Variants in BST1 observed in about 807,000 individuals in gnomAD.
BST1 encodes the protein ADP-ribosyl cyclase/cyclic ADP-ribose hydrolase 2.
In BST1, 49 loss-of-function variants were observed where a neutral mutation model predicts 40.6. The ratio of observed to expected loss-of-function variants is 1.21; its 90% CI spans 0.96 to 1.53. The LOEUF (loss-of-function observed/expected upper bound fraction) is 1.53, where lower values mean the gene tolerates loss of function less well. BST1 is among the 40% of genes most tolerant of loss of function. BST1 has a pLI of 0.00. For synonymous variants in BST1, 157 were observed against 159.3 expected, an observed-to-expected ratio of 0.99 and a Z score of 0.11; for missense variants, 423 against 395.9, an observed-to-expected ratio of 1.07 and a Z score of -0.58.
intron 6 of BST1, among the ~76,000 whole-genome samples, chr4:15,716,070 G>A (rs1444842038): frequency 6.6e-6 from 1 of 152,132 alleles, no homozygotes; most frequent in Non-Finnish European, 1.5e-5. Context: ...CTTTGGATGG[G>A]TGAGTTCCTT....
downstream of BST1, among the ~76,000 whole-genome samples, chr4:15,740,745 A>G (rs1248035273): frequency 6.6e-6 from 1 of 152,156 alleles, no homozygotes; most frequent in Non-Finnish European, 1.5e-5. Flanking sequence ...AAGAAGGAGC[A>G]GCAACAGAGG....
chr4:15,710,600 AGCCTCTG>A (rs1720141215), intron 3 of BST1, among the ~76,000 whole-genome samples: 1 of 152,014 alleles, frequency 6.6e-6, no homozygotes, highest in Non-Finnish European at 1.5e-5. Flanking sequence ...TCCCCTCTCC[AGCCTCTG>A]GTAGCCACTA....
chr4:15,760,209 A>G, the BST1 span, among the ~76,000 whole-genome samples: 3 of 151,828 alleles, frequency 2.0e-5, no homozygotes, highest in Non-Finnish European at 2.9e-5. Flanking sequence ...CTAGCTTCTT[A>G]CACTTGGCAT....
chr4:15,753,993 A>G, the BST1 span, among the ~76,000 whole-genome samples: 1 of 152,150 alleles, frequency 6.6e-6, no homozygotes, highest in South Asian at 2.1e-4. Context: ...GACCTCAGTC[A>G]CCTTCCTTCC....
intron 8 of BST1, among the ~76,000 whole-genome samples, chr4:15,726,138 T>G (rs542680653): frequency 1.4e-4 from 19 of 136,496 alleles, no homozygotes; most frequent in African/African-American, 4.5e-4. Flanking sequence ...CTTTTAAAGT[T>G]TTTTTTTTTT....
the BST1 span, among the ~76,000 whole-genome samples, chr4:15,765,545 C>G: frequency 6.6e-6 from 1 of 152,092 alleles, no homozygotes; most frequent in South Asian, 2.1e-4. Flanking sequence ...CTCCGGGTCC[C>G]AAACACACAA....
intron 1 of BST1, 26 bp from the exon 2 acceptor site, chr4:15,705,489 T>C: frequency 6.5e-7 from 1 of 1,549,768 alleles, no homozygotes; most frequent in Non-Finnish European, 8.7e-7. Flanking sequence ...ATGTGTGTGT[T>C]CTTCCCAACT....
rs371380805 is a variant in BST1 at position 15,703,349 on chromosome 4, G to A, written c.188+17G>A. 2.5e-4 allele frequency: 371 copies of A among 1,492,294 alleles called. 1 individual carries two copies. The African/African-American group carries it at 4.6e-3, about 19-fold the overall frequency. 92.4% of individuals were successfully genotyped at this position (1,492,294 alleles called of 1,614,324 possible). On this transcript the variant is annotated intron_variant, in intron 1 of 8. Transcript: ENST00000265016. ...CGAGCAGCGGTGAGGCAGTCGGCCG[G>A]GTGGAAGGGGAGCCGGAAAGAGGCA...
rs746057855 is a variant in BST1, at chr4:15,703,348, G to A, written c.188+16G>A. 1.3e-6 allele frequency: 2 copies of A among 1,491,556 alleles called. No individual in the cohort carries two copies. 92.4% of individuals were successfully genotyped at this position (1,491,556 alleles called of 1,614,324 possible). The stretch of plus-strand genomic sequence containing the variant: ...CCGAGCAGCGGTGAGGCAGTCGGCC[G>A]GGTGGAAGGGGAGCCGGAAAGAGGC... On this transcript the variant is annotated intron_variant, in intron 1 of 8. Coordinates refer to ENST00000265016, the MANE Select transcript of BST1 (RefSeq NM_004334.3).
the BST1 span, among the ~76,000 whole-genome samples, chr4:15,747,963 C>T: frequency 6.6e-6 from 1 of 152,174 alleles, no homozygotes; most frequent in South Asian, 2.1e-4. Context: ...AGGCATGAGC[C>T]ACTGTGTCCA....
At chr4:15,738,760 A>G (rs981458252), downstream of BST1, among the ~76,000 whole-genome samples, 1 of 152,176 alleles carries the variant, frequency 6.6e-6, no homozygotes, top group African/African-American at 2.4e-5. Flanking sequence ...AAAATTTCCA[A>G]AGTAAAGACT....
At position 15,732,455 on chromosome 4, in the gene BST1, TTGCAGGTGCC is replaced by T. The variant is rs1345456178; in HGVS notation, c.*614_*623del. ...GCCTCAGCCTCCCAAGTAGCTGGGATTGCAGGTGCCTGCCACCATGTCCAGCTAATTTTTG... is the reference window on the plus strand; with the variant it reads ...GCCTCAGCCTCCCAAGTAGCTGGGATTGCCACCATGTCCAGCTAATTTTTG... On this transcript the variant is annotated 3_prime_UTR_variant, in exon 9 of 9. Coordinates refer to ENST00000265016, the MANE Select transcript of BST1 (RefSeq NM_004334.3). The T allele has an allele frequency of 2.0e-5, 3 of 152,256 alleles. No individual in the cohort carries two copies. The highest frequency in any genetic ancestry group is 7.2e-5 in the African/African-American group (3 of 41,438). 9.4% of individuals were successfully genotyped at this position (152,256 alleles called of 1,614,324 possible). A position where few individuals can be genotyped will look rare whatever the true frequency, so the allele number is the denominator to read the frequency against.
intron 8 of BST1, among the ~76,000 whole-genome samples, chr4:15,729,696 C>A (rs757951297): frequency 4.6e-5 from 7 of 152,046 alleles, no homozygotes; most frequent in Non-Finnish European, 1.0e-4. Context: ...AGTGCAGTTA[C>A]CCCCTCAAGT....
In BST1 at chr4:15,707,577, C is replaced by A. The variant is rs556998370; in HGVS notation, c.382C>A (p.Pro128Thr). Residue 128 changes from proline to threonine, a missense_variant, in exon 3 of 9, where the codon CCC becomes ACC. Coordinates refer to ENST00000265016, the MANE Select transcript of BST1 (RefSeq NM_004334.3). The stretch of plus-strand genomic sequence containing the variant: ...TGCAGACAACACCCGTCGTTTTATG[C>A]CCCTGAGCGATGTTCTGTATGGCAG... The part of the protein sequence containing the change: ...SFADNTRRFM[P>T]LSDVLYGRVA... The A allele has an allele frequency of 1.2e-6, 2 of 1,613,922 alleles. No individual in the cohort carries two copies. Among genetic ancestry groups the A allele is most frequent in the South Asian group, 1.1e-5 (1 of 91,066 alleles).
chr4:15,708,000 G>A (rs547454100), intron 3 of BST1, among the ~76,000 whole-genome samples: 1 of 151,978 alleles, frequency 6.6e-6, no homozygotes, highest in African/African-American at 2.4e-5. Flanking sequence ...GATAAATGAG[G>A]AAACTGAGGC....
At chr4:15,729,996 G>A (rs984688732) in intron 8 of BST1, among the ~76,000 whole-genome samples, 8 of 152,204 alleles carry the variant, frequency 5.3e-5, no homozygotes, top group Non-Finnish European at 8.8e-5. Context: ...AAAGAAAAAT[G>A]TAACCTTATG....
chr4:15,705,019 G>A (rs1719799682), intron 1 of BST1: 2 of 736,232 alleles, frequency 2.7e-6, no homozygotes, highest in Admixed American at 3.8e-5. Context: ...AAACTAGCAT[G>A]GACCTCAAGA....
chr4:15,737,699 C>T (rs1721619916), downstream of BST1: 9 of 938,442 alleles, frequency 9.6e-6, no homozygotes, highest in South Asian at 1.2e-4. Context: ...CTTTCCTCTC[C>T]TGTCGTAGGT....
intron 1 of BST1, among the ~76,000 whole-genome samples, chr4:15,703,693 G>T (rs1719688306): frequency 7.1e-6 from 1 of 141,306 alleles, no homozygotes; most frequent in Admixed American, 7.0e-5. Flanking sequence ...AGGTGGATGT[G>T]TGTGTGTGTG....
Sources: allele counts gnomAD v4.1 joint callset (sites outside exome capture counted in the v4.1 genomes callset), GRCh38; gene constraint gnomAD v4.1.1; transcripts MANE v1.5; gene names NCBI Gene and HGNC (gene_info 2026-07-23, HGNC 2026-07-21).